LRRC53: variants seen among roughly 807,000 people sequenced by gnomAD.
LRRC53 encodes leucine rich repeat containing 53, also known as leucine-rich repeat-containing protein 53.
A neutral mutation model predicts 13.6 loss-of-function variants in LRRC53; 25 were observed. That is an observed-to-expected ratio of 1.83 (90% CI 1.34 to 2.56). LRRC53 has a LOEUF of 2.56. Ranked by LOEUF, LRRC53 falls within the 30% of genes most tolerant of loss-of-function variation. LRRC53 has a pLI of 0.00. For synonymous variants in LRRC53, 204 were observed against 109.8 expected, an observed-to-expected ratio of 1.86 and a Z score of -5.37; for missense variants, 527 against 275.8, an observed-to-expected ratio of 1.91 and a Z score of -6.45.
At chr1:74,507,614 T>C (rs1669973246) in intron 1 of LRRC53, among the ~76,000 whole-genome samples, 1 of 152,148 alleles carries the variant, frequency 6.6e-6, no homozygotes, top group Non-Finnish European at 1.5e-5. Flanking sequence ...CAAAGTCTCT[T>C]TTTTGCTTTA....
At chr1:74,489,319 A>C in intron 1 of LRRC53, 1 of 1,508,624 alleles carries the variant, frequency 6.6e-7, no homozygotes, top group Non-Finnish European at 9.1e-7. Flanking sequence ...GGGAATGTAG[A>C]TGAGCTGGTG....
At chr1:74,536,139 G>T in the LRRC53 span, among the ~76,000 whole-genome samples, 1 of 152,032 alleles carries the variant, frequency 6.6e-6, no homozygotes, top group Non-Finnish European at 1.5e-5. Context: ...CTCCTGCTTT[G>T]GGGAGTTGAG....
intron 1 of LRRC53, among the ~76,000 whole-genome samples, chr1:74,506,268 C>T (rs529103883): frequency 5.9e-5 from 9 of 152,266 alleles, no homozygotes; most frequent in African/African-American, 1.9e-4. Context: ...GTATGCCTGT[C>T]GTAGCACAGA....
chr1:74,513,331 T>A (rs1308732009), upstream of LRRC53, among the ~76,000 whole-genome samples: 6 of 152,224 alleles, frequency 3.9e-5, no homozygotes, highest in African/African-American at 1.4e-4. Flanking sequence ...CTAGGTGTTC[T>A]TATCAGAGTG....
At chr1:74,502,964 A>G (rs528628740) in intron 1 of LRRC53, among the ~76,000 whole-genome samples, 1 of 152,346 alleles carries the variant, frequency 6.6e-6, no homozygotes, top group South Asian at 2.1e-4. Flanking sequence ...TCCTTCTAGG[A>G]ACTTAACTGA....
chr1:74,512,186 G>C (rs1040070), intron 1 of LRRC53, among the ~76,000 whole-genome samples: 62,172 of 152,062 alleles, frequency 0.41, 15,241 homozygotes, highest in Non-Finnish European at 0.56. Flanking sequence ...CCATAAAGGG[G>C]CATGATTTCT....
upstream of LRRC53, among the ~76,000 whole-genome samples, chr1:74,513,010 C>G (rs1211625894): frequency 6.6e-6 from 1 of 152,168 alleles, no homozygotes; most frequent in African/African-American, 2.4e-5. Flanking sequence ...TGATAAGACA[C>G]TTAAAGAGGA....
the LRRC53 span, among the ~76,000 whole-genome samples, chr1:74,526,945 A>G: frequency 3.6e-4 from 55 of 152,350 alleles, no homozygotes; most frequent in African/African-American, 1.3e-3. Flanking sequence ...TTGCACTGAA[A>G]CAGCAGAGTT....
intron 4 of LRRC53, among the ~76,000 whole-genome samples, chr1:74,474,455 T>C (rs1214115985): frequency 1.3e-5 from 2 of 152,104 alleles, no homozygotes; most frequent in Non-Finnish European, 2.9e-5. Flanking sequence ...TCTTATCCAG[T>C]CGCCCCAAAA....
At chr1:74,522,212 G>A in the LRRC53 span, among the ~76,000 whole-genome samples, 1 of 152,296 alleles carries the variant, frequency 6.6e-6, no homozygotes, top group East Asian at 1.9e-4. Context: ...ACAAATACAA[G>A]GTTATAGACT....
upstream of LRRC53, among the ~76,000 whole-genome samples, chr1:74,515,079 C>G (rs1010717229): frequency 1.3e-5 from 2 of 152,134 alleles, no homozygotes; most frequent in Non-Finnish European, 2.9e-5. Context: ...CAGAATTTTC[C>G]TCAGAATATT....
Position 74,472,221 on chromosome 1 carries a change from A to G in LRRC53, c.1421-20T>C, listed in dbSNP as rs1430703623. ...TGATATCTGTGGAACAATAAATGCA[A>G]GAATTTAGCACTTAGCAGAGTTTTA... On this transcript the variant is annotated intron_variant, in intron 4 of 4. Coordinates refer to ENST00000294635, the MANE Select transcript of LRRC53 (RefSeq NM_001382280.1). 1.4e-6 allele frequency: 1 copy of G among 715,808 alleles called. No individual in the cohort carries two copies. The allele number at this position is 715,808 out of a possible 1,614,324, so 44.3% of individuals were successfully genotyped here.
chr1:74,532,829 T>C, the LRRC53 span, among the ~76,000 whole-genome samples: 2 of 152,090 alleles, frequency 1.3e-5, no homozygotes, highest in Admixed American at 1.3e-4. Flanking sequence ...ATTCCCTATT[T>C]AATAAATGGT....
upstream of LRRC53, among the ~76,000 whole-genome samples, chr1:74,514,630 T>C (rs1570727378): frequency 6.6e-6 from 1 of 152,136 alleles, no homozygotes; most frequent in East Asian, 1.9e-4. Flanking sequence ...AAACATCTTC[T>C]GAGATAGTAA....
chr1:74,502,514 A>C lies in LRRC53; in HGVS notation c.-27+10012T>G, dbSNP rs545318571. Among the ~76,000 whole-genome samples the C allele has an allele frequency of 5.9e-5, 9 of 152,330 alleles. No individual in the cohort carries two copies. The South Asian group carries it at 1.2e-3, about 21-fold the overall frequency. On this transcript the variant is annotated intron_variant, in intron 1 of 4. Transcript: ENST00000294635. ...GGTAGTGTTTTCATTACATCATGCT[A>C]TCTCTGGAGACTTAACTTTGCCAAC...
At chr1:74,519,472 T>C in the LRRC53 span, among the ~76,000 whole-genome samples, 1 of 140,782 alleles carries the variant, frequency 7.1e-6, no homozygotes, top group Admixed American at 6.9e-5. Flanking sequence ...ACTTCCACAA[T>C]GGTTGAACTA....
chr1:74,527,780 T>C, the LRRC53 span, among the ~76,000 whole-genome samples: 1 of 152,234 alleles, frequency 6.6e-6, no homozygotes. Context: ...CCTTCATGAA[T>C]GATTTAGTCC....
rs1002322570 is a variant in LRRC53 at position 74,480,083 on chromosome 1, T to A, written c.904+70A>T. ...GGCAACCAAGTGTCTGAGATAAGCA[T>A]CACTTAGCATGCTGCAAAAATATGG... On this transcript the variant is annotated intron_variant, in intron 3 of 4. Transcript: ENST00000294635. The A allele has an allele frequency of 7.8e-6, 5 of 639,880 alleles. No homozygotes were observed. In the South Asian group the frequency reaches 9.3e-5, roughly 12 times the overall value. 39.6% of individuals were successfully genotyped at this position (639,880 alleles called of 1,614,324 possible).
At chr1:74,519,194 C>T in the LRRC53 span, among the ~76,000 whole-genome samples, 1 of 88,230 alleles carries the variant, frequency 1.1e-5, no homozygotes, top group Admixed American at 1.3e-4. Flanking sequence ...CATCCATGTC[C>T]CTACAAAGGA....
Sources: gnomAD v4.1 joint callset for allele counts (sites outside exome capture counted in the v4.1 genomes callset) on GRCh38, gnomAD v4.1.1 for gene constraint, MANE v1.5 for transcripts, NCBI Gene and HGNC (gene_info 2026-07-23, HGNC 2026-07-21) for gene names.